The following IMMP2L variants were observed in gnomAD, a reference collection of about 807,000 sequenced individuals.
IMMP2L encodes the protein inner mitochondrial membrane peptidase subunit 2, also known as mitochondrial inner membrane protease subunit 2.
In IMMP2L, 18 loss-of-function variants were observed where a neutral mutation model predicts 19.3. That is an observed-to-expected ratio of 0.93 (90% confidence interval 0.64 to 1.38). The LOEUF is 1.38. IMMP2L is among the 40% of genes most tolerant of loss of function. The probability of loss-of-function intolerance (pLI) is 0.00; values close to 1 mark genes in which losing one functional copy is unlikely to be tolerated. For synonymous variants in IMMP2L, 76 were observed against 73.0 expected (o/e 1.04, Z -0.21); for missense variants, 233 against 218.2 (o/e 1.07, Z -0.43).
chr7:111,373,918 T>C (rs1360751979), intron 3 of IMMP2L, among the ~76,000 whole-genome samples: 1 of 152,038 alleles, frequency 6.6e-6, no homozygotes, highest in Non-Finnish European at 1.5e-5. Context: ...GGAAATACTA[T>C]TTTGAATCAA....
intron 4 of IMMP2L, among the ~76,000 whole-genome samples, chr7:110,902,270 CCTA>C (rs1303484658): frequency 3.3e-5 from 5 of 151,290 alleles, no homozygotes; most frequent in African/African-American, 9.7e-5. Flanking sequence ...ATATTAACAG[CCTA>C]CTATTAATTA....
At chr7:110,738,196 C>A (rs1390736506) in intron 5 of IMMP2L, among the ~76,000 whole-genome samples, 1 of 152,128 alleles carries the variant, frequency 6.6e-6, no homozygotes, top group Non-Finnish European at 1.5e-5. Context: ...GCAATGGATA[C>A]AAACCAAGAC....
chr7:110,774,438 T>C lies in IMMP2L; in HGVS notation c.409-110717A>G, dbSNP rs114959983. Among the ~76,000 whole-genome samples, 741 of 152,200 alleles carry C rather than the reference T, an allele frequency of 4.9e-3. 8 individuals are homozygous for C. The highest frequency in any genetic ancestry group is 0.017 in the African/African-American group (702 of 41,556). Reference sequence around the variant, plus strand: ...ATCTATAAAAATATTACTTTAACAGTATTTTTTACTACTTTTATCCAGAAG... The same window carrying C: ...ATCTATAAAAATATTACTTTAACAGCATTTTTTACTACTTTTATCCAGAAG... On this transcript the variant is annotated intron_variant, in intron 5 of 5. Transcript: ENST00000405709.
intron 3 of IMMP2L, among the ~76,000 whole-genome samples, chr7:111,135,391 T>C (rs1802235273): frequency 6.6e-6 from 1 of 152,166 alleles, no homozygotes. Context: ...AAAAATATTT[T>C]CAGACAAATC....
At chr7:111,091,999 G>A (rs1490066741) in intron 3 of IMMP2L, among the ~76,000 whole-genome samples, 3 of 152,140 alleles carry the variant, frequency 2.0e-5, no homozygotes, top group Admixed American at 6.5e-5. Context: ...CCACCAAATG[G>A]GGCATTTTTA....
intron 5 of IMMP2L, among the ~76,000 whole-genome samples, chr7:110,769,119 T>C (rs1180445208): frequency 6.6e-6 from 1 of 152,230 alleles, no homozygotes; most frequent in Non-Finnish European, 1.5e-5. Context: ...GAATACATTT[T>C]CATTCTCGCA....
chr7:111,081,763 G>T (rs2129576505), intron 3 of IMMP2L, among the ~76,000 whole-genome samples: 1 of 152,324 alleles, frequency 6.6e-6, no homozygotes, highest in African/African-American at 2.4e-5. Context: ...CTATATGGGT[G>T]TAGAGGTGGC....
intron 3 of IMMP2L, among the ~76,000 whole-genome samples, chr7:111,054,253 T>C (rs1048388317): frequency 1.3e-5 from 2 of 152,246 alleles, no homozygotes; most frequent in African/African-American, 4.8e-5. Flanking sequence ...GATTTTTGAA[T>C]CATTCTGTTG....
At chr7:110,807,452 A>T (rs576289498) in intron 5 of IMMP2L, among the ~76,000 whole-genome samples, 2 of 152,128 alleles carry the variant, frequency 1.3e-5, no homozygotes, top group Admixed American at 6.6e-5. Flanking sequence ...GTGACAAATC[A>T]TCCCTCTTCC....
At chr7:111,493,666 C>T (rs1333430541) in intron 2 of IMMP2L, among the ~76,000 whole-genome samples, 1 of 149,290 alleles carries the variant, frequency 6.7e-6, no homozygotes, top group Non-Finnish European at 1.5e-5. Flanking sequence ...GATCGCGCCA[C>T]TGCACTCCAG....
At chr7:111,156,918 G>A (rs947850254) in intron 3 of IMMP2L, among the ~76,000 whole-genome samples, 1 of 151,846 alleles carries the variant, frequency 6.6e-6, no homozygotes, top group African/African-American at 2.4e-5. Flanking sequence ...ACTACTCCAT[G>A]TGTCAGTGAT....
intron 4 of IMMP2L, among the ~76,000 whole-genome samples, chr7:110,909,349 CAA>C (rs1175773365): frequency 1.3e-5 from 2 of 152,104 alleles, no homozygotes; most frequent in African/African-American, 4.8e-5. Flanking sequence ...TATTCTGCGA[CAA>C]GAGACATGAG....
At chr7:111,160,212 T>A (rs1317896880) in intron 3 of IMMP2L, among the ~76,000 whole-genome samples, 2 of 152,084 alleles carry the variant, frequency 1.3e-5, no homozygotes, top group Admixed American at 1.3e-4. Context: ...ATGTAATTTA[T>A]GAAAGTATGC....
chr7:111,402,641 A>G (rs1403460174), intron 3 of IMMP2L, among the ~76,000 whole-genome samples: 1 of 152,020 alleles, frequency 6.6e-6, no homozygotes, highest in Non-Finnish European at 1.5e-5. Flanking sequence ...AATTACCAGG[A>G]GGCAGAGGTT....
chr7:110,816,127 A>G (rs1315672305), intron 5 of IMMP2L, among the ~76,000 whole-genome samples: 2 of 152,020 alleles, frequency 1.3e-5, no homozygotes, highest in Non-Finnish European at 2.9e-5. Context: ...TCCTCTACAC[A>G]TTGCTTTGAA....
At chr7:110,823,299 C>G (rs1803197529) in intron 5 of IMMP2L, among the ~76,000 whole-genome samples, 1 of 151,924 alleles carries the variant, frequency 6.6e-6, no homozygotes, top group African/African-American at 2.4e-5. Flanking sequence ...AAACCTAACT[C>G]CTATATTATA....
intron 3 of IMMP2L, among the ~76,000 whole-genome samples, chr7:111,375,074 T>A (rs1830565599): frequency 6.6e-6 from 1 of 151,980 alleles, no homozygotes; most frequent in Admixed American, 6.6e-5. Flanking sequence ...ATTTAGGAGG[T>A]GCTCAGAAAG....
At chr7:111,374,637 C>T (rs2131144717) in intron 3 of IMMP2L, among the ~76,000 whole-genome samples, 1 of 152,192 alleles carries the variant, frequency 6.6e-6, no homozygotes, top group South Asian at 2.1e-4. Flanking sequence ...CAAAGTTAAA[C>T]CCAAAAGACA....
intron 3 of IMMP2L, among the ~76,000 whole-genome samples, chr7:111,029,227 C>T (rs888082123): frequency 6.6e-6 from 1 of 152,098 alleles, no homozygotes; most frequent in African/African-American, 2.4e-5. Flanking sequence ...AGTTTAACAG[C>T]TTTCATGGGA....
Sources: allele counts gnomAD v4.1 joint callset (sites outside exome capture counted in the v4.1 genomes callset), GRCh38; gene constraint gnomAD v4.1.1; transcripts MANE v1.5; gene names NCBI Gene and HGNC (gene_info 2026-07-23, HGNC 2026-07-21).